The following PATL1 variants were observed in gnomAD, a reference collection of about 807,000 sequenced individuals.
The protein encoded by PATL1 is PAT1 homolog 1, processing body mRNA decay factor, also known as protein PAT1 homolog 1.
Under a neutral mutation model 100.6 loss-of-function variants are expected in PATL1, and 32 were observed. The ratio of observed to expected loss-of-function variants is 0.32; its 90% CI spans 0.24 to 0.43. The LOEUF (loss-of-function observed/expected upper bound fraction) is 0.43, where lower values mean the gene tolerates loss of function less well. Among genes scored for constraint, PATL1 ranks in the 20% least tolerant of loss-of-function variants. PATL1 has a pLI of 1.00. For missense variants in PATL1, 747 were observed against 949.9 expected (o/e 0.79, Z 2.81); for synonymous variants, 332 against 330.0 (o/e 1.01, Z -0.07).
At chr11:59,643,101 C>T in intron 15 of PATL1, 66 bp from the exon 16 acceptor site, 1 of 1,519,248 alleles carries the variant, frequency 6.6e-7, no homozygotes, top group Non-Finnish European at 9.0e-7. Context: ...CCACCAGGGG[C>T]ATGGATGGAA....
At position 59,655,553 on chromosome 11, in the gene PATL1, G is replaced by A; in HGVS notation, c.1001C>T (p.Pro334Leu). 6 of 1,585,826 alleles carry A rather than the reference G, an allele frequency of 3.8e-6. No homozygotes were observed. Among genetic ancestry groups the A allele is most frequent in the Non-Finnish European group, 5.1e-6 (6 of 1,165,594 alleles). Residue 334 changes from proline to leucine, a missense_variant, in exon 8 of 19, where the codon CCT becomes CTT. Physicochemically the swap from Pro to Leu is moderately conservative, Grantham distance 98. Coordinates refer to ENST00000300146, the MANE Select transcript of PATL1 (RefSeq NM_152716.3). ...GTTTTGCAGGTGGGGTCCTGGGCCA[G>A]GAGGGTGCTGCTGTGGAGGTGGTGT... ...SATPPPQQHP[P>L]GPGPHLQNLR... is the part of the protein sequence containing the mutation.
chr11:59,656,500 G>T lies in PATL1; in HGVS notation c.722C>A (p.Pro241Gln). ...TTTGTTAGGCTTAAAGTGACATACC[G>T]GGACACTGCAGAGCTGGTTTGGAGA... The part of the protein sequence containing the change: ...RMSPNQLCSV[P>Q]NSSLLGHPFP... Residue 241 changes from proline (P) to glutamine (Q), a missense_variant and splice_region_variant, in exon 6 of 19, where the codon CCG (proline) becomes CAG (glutamine). Pro to Gln is a moderately conservative substitution (Grantham distance 76). Coordinates refer to ENST00000300146, the MANE Select transcript of PATL1 (RefSeq NM_152716.3). 1.9e-6 allele frequency: 3 copies of T among 1,612,104 alleles called. No homozygotes were observed. Among genetic ancestry groups the T allele is most frequent in the Middle Eastern group, 1.7e-4 (1 of 6,052 alleles).
At chr11:59,650,706 G>A (rs1565132614) in intron 13 of PATL1, 48 bp downstream of exon 13, 2 of 1,333,928 alleles carry the variant, frequency 1.5e-6, no homozygotes, top group Non-Finnish European at 2.1e-6. Flanking sequence ...ACATACATTT[G>A]ACAGTTCCGT....
At chr11:59,652,310 C>G (rs982109784) in intron 11 of PATL1, among the ~76,000 whole-genome samples, 154 bp downstream of exon 11, 4 of 152,138 alleles carry the variant, frequency 2.6e-5, no homozygotes, top group Middle Eastern at 3.4e-3. Flanking sequence ...TGAATAAAGG[C>G]TGATTTTTGC....
chr11:59,648,675 A>G (rs1159797062), intron 14 of PATL1, among the ~76,000 whole-genome samples: 1 of 152,118 alleles, frequency 6.6e-6, no homozygotes, highest in Non-Finnish European at 1.5e-5. Flanking sequence ...GACTTTTTTC[A>G]CTCAACAACT....
intron 14 of PATL1, among the ~76,000 whole-genome samples, chr11:59,648,261 T>C (rs368797514): frequency 2.7e-5 from 4 of 150,528 alleles, no homozygotes; most frequent in South Asian, 2.1e-4. Flanking sequence ...TCTTGGTTCA[T>C]TGCAGCCTCC....
At chr11:59,658,615 G>A (rs1282161222) in intron 4 of PATL1, among the ~76,000 whole-genome samples, 2 of 152,094 alleles carry the variant, frequency 1.3e-5, no homozygotes, top group Non-Finnish European at 1.5e-5. Flanking sequence ...GAGCCACCAC[G>A]CCTGGCTCAG....
chr11:59,657,760 A>G (rs762828525), intron 4 of PATL1, 36 bp from the exon 5 acceptor site: 4 of 1,484,210 alleles, frequency 2.7e-6, no homozygotes, highest in Non-Finnish European at 2.7e-6. Context: ...ATAGAAATTA[A>G]CTAACTTGGT....
At chr11:59,658,791 T>TA in intron 4 of PATL1, 75 bp downstream of exon 4, 2 of 1,134,932 alleles carry the variant, frequency 1.8e-6, no homozygotes, top group African/African-American at 3.2e-5. Flanking sequence ...ACCCCTTCAG[T>TA]AAGGAAAGGA....
chr11:59,659,398 G>C lies in PATL1; in HGVS notation c.199C>G (p.Gln67Glu). Residue 67 changes from glutamine to glutamate, a missense_variant, in exon 3 of 19, where the codon CAA becomes GAA. Coordinates refer to ENST00000300146, the MANE Select transcript of PATL1 (RefSeq NM_152716.3). ...TCATCTCTCTCTCCATTGCCTGTTT[G>C]TTCATTAACTGCCACTGGTAGCTTT... is the stretch of plus-strand genomic sequence containing the variant. ...EEKLPVAVNE[Q>E]TGNGERDEMD... 6.4e-7 allele frequency: 1 copy of C among 1,551,332 alleles called. No individual in the cohort carries two copies. The highest frequency in any genetic ancestry group is 8.7e-7 in the Non-Finnish European group (1 of 1,146,880).
rs750346932 is a variant in PATL1, at chr11:59,651,645, C to CAA, written c.1427-6_1427-5dup. On this transcript the variant is annotated splice_region_variant and splice_polypyrimidine_tract_variant and intron_variant, in intron 11 of 18. Coordinates refer to ENST00000300146, the MANE Select transcript of PATL1 (RefSeq NM_152716.3). ...CCCAAAGAGCCCTCAAATTGCACTGCAAAGACAAAAAAAAAAAAAATTCCA... is the reference window on the plus strand; with the variant it reads ...CCCAAAGAGCCCTCAAATTGCACTGCAAAAAGACAAAAAAAAAAAAAATTCCA... 6.7e-7 allele frequency: 1 copy of CAA among 1,487,906 alleles called. No homozygotes were observed. 92.2% of individuals were successfully genotyped at this position (1,487,906 alleles called of 1,614,324 possible).
chr11:59,647,365 A>G (rs1861379822), intron 15 of PATL1, among the ~76,000 whole-genome samples: 3 of 152,228 alleles, frequency 2.0e-5, no homozygotes, highest in Admixed American at 6.5e-5. Context: ...AACCAAGACT[A>G]TAAGTTTTCA....
intron 16 of PATL1, chr11:59,639,613 G>C: frequency 2.2e-6 from 1 of 458,834 alleles, no homozygotes. Flanking sequence ...AACAGAAACG[G>C]AAAGTCATGG....
intron 9 of PATL1, among the ~76,000 whole-genome samples, chr11:59,653,407 G>A (rs996936070): frequency 1.3e-5 from 2 of 152,068 alleles, no homozygotes; most frequent in African/African-American, 2.4e-5. Flanking sequence ...TAACACAGGC[G>A]ATTTAGCTCT....
At chr11:59,639,628 C>T in intron 16 of PATL1, 1 of 411,792 alleles carries the variant, frequency 2.4e-6, no homozygotes, top group Admixed American at 4.1e-5. Context: ...TCATGGTGTC[C>T]AACACGCCTC....
rs763410503 is a variant in PATL1, at chr11:59,656,500, G to A, written c.722C>T (p.Pro241Leu). Residue 241 changes from proline (P) to leucine (L), a missense_variant and splice_region_variant, in exon 6 of 19, where the codon CCG becomes CTG. Pro to Leu is a moderately conservative substitution (Grantham distance 98). Transcript: ENST00000300146. Reference sequence around the variant, plus strand: ...TTTGTTAGGCTTAAAGTGACATACCGGGACACTGCAGAGCTGGTTTGGAGA... The same window carrying A: ...TTTGTTAGGCTTAAAGTGACATACCAGGACACTGCAGAGCTGGTTTGGAGA... ...RMSPNQLCSV[P>L]NSSLLGHPFP... The A allele has an allele frequency of 5.0e-6, 8 of 1,611,990 alleles. No homozygotes were observed. The highest frequency in any genetic ancestry group is 2.2e-5 in the East Asian group (1 of 44,884).
intron 13 of PATL1, among the ~76,000 whole-genome samples, chr11:59,649,904 G>A (rs1042311495): frequency 2.0e-5 from 3 of 152,106 alleles, no homozygotes; most frequent in South Asian, 2.1e-4. Flanking sequence ...GGCGGATCAC[G>A]TGAGGTTGGG....
chr11:59,643,276 A>G (rs1276097664), intron 15 of PATL1, among the ~76,000 whole-genome samples: 1 of 152,056 alleles, frequency 6.6e-6, no homozygotes, highest in East Asian at 1.9e-4. Context: ...AATCACTCCC[A>G]AATACATACC....
intron 10 of PATL1, 98 bp from the exon 11 acceptor site, chr11:59,652,685 G>A: frequency 1.3e-6 from 2 of 1,542,170 alleles, no homozygotes; most frequent in Admixed American, 1.9e-5. Context: ...CACAAGTTCA[G>A]CTCTAGAAAT....
Sources: gnomAD v4.1 joint callset for allele counts (sites outside exome capture counted in the v4.1 genomes callset) on GRCh38, gnomAD v4.1.1 for gene constraint, MANE v1.5 for transcripts, NCBI Gene and HGNC (gene_info 2026-07-23, HGNC 2026-07-21) for gene names.